Variants in RHOF observed in about 807,000 individuals in gnomAD.
RHOF encodes rho-related GTP-binding protein RhoF.
In RHOF, 21 loss-of-function variants were observed where a neutral mutation model predicts 22.2. The ratio of observed to expected loss-of-function variants is 0.95; its 90% CI spans 0.67 to 1.36. The LOEUF (loss-of-function observed/expected upper bound fraction) is 1.36, where lower values mean the gene tolerates loss of function less well. Ranked by LOEUF, RHOF falls within the 40% of genes most tolerant of loss-of-function variation. RHOF has a pLI of 0.00. For missense variants in RHOF, 285 were observed against 293.7 expected (o/e 0.97, Z 0.22); for synonymous variants, 135 against 131.2 (o/e 1.03, Z -0.20).
At chr12:121,793,391 C>A in intron 1 of RHOF, 105 bp downstream of exon 1, 1 of 1,476,398 alleles carries the variant, frequency 6.8e-7, no homozygotes, top group Non-Finnish European at 9.1e-7. Flanking sequence ...CCCGGGGTGG[C>A]GGCCGCCTGT....
intron 2 of RHOF, among the ~76,000 whole-genome samples, chr12:121,784,132 C>A (rs1427853199): frequency 6.6e-6 from 1 of 152,080 alleles, no homozygotes; most frequent in Non-Finnish European, 1.5e-5. Flanking sequence ...TCTTAAACAT[C>A]CAGATTAACC....
chr12:121,785,354 T>G (rs141799803), intron 2 of RHOF, among the ~76,000 whole-genome samples: 73 of 152,100 alleles, frequency 4.8e-4, no homozygotes, highest in African/African-American at 1.7e-3. Context: ...CTACAGAAAG[T>G]GAAACCGTGG....
chr12:121,789,909 C>T (rs1874719560), intron 2 of RHOF, among the ~76,000 whole-genome samples: 1 of 152,234 alleles, frequency 6.6e-6, no homozygotes, highest in Admixed American at 6.5e-5. Flanking sequence ...ACACCTTGGC[C>T]CTGATGAGCT....
At chr12:121,780,596 GC>G in intron 4 of RHOF, 1 of 539,288 alleles carries the variant, frequency 1.9e-6, no homozygotes, top group Non-Finnish European at 3.3e-6. Flanking sequence ...TAGCTGTGTG[GC>G]CCTGGGCAAG....
At chr12:121,787,892 A>G (rs1024511410) in intron 2 of RHOF, among the ~76,000 whole-genome samples, 2 of 43,440 alleles carry the variant, frequency 4.6e-5, no homozygotes, top group East Asian at 6.3e-4. Context: ...CTCTGCCTCA[A>G]AAAAAAAAAA....
rs949207071 is a variant in RHOF at position 121,778,080 on chromosome 12, A to C, written c.*1418T>G. On this transcript the variant is annotated 3_prime_UTR_variant, in exon 5 of 5. Coordinates refer to ENST00000267205, the MANE Select transcript of RHOF (RefSeq NM_019034.3). ...TGAAGCCATTATCCCATCTTAGGCGACACCGACTCCTAGGCGCCCTCCAGA... is the reference window on the plus strand; with the variant it reads ...TGAAGCCATTATCCCATCTTAGGCGCCACCGACTCCTAGGCGCCCTCCAGA... The C allele has an allele frequency of 9.9e-5, 15 of 152,070 alleles. No individual in the cohort carries two copies. Among genetic ancestry groups the C allele is most frequent in the African/African-American group, 3.6e-4 (15 of 41,450 alleles). The allele number at this position is 152,070 out of a possible 1,614,324, so 9.4% of individuals were successfully genotyped here.
chr12:121,779,336 C>T lies in RHOF; in HGVS notation c.*162G>A, dbSNP rs1340685376. On this transcript the variant is annotated 3_prime_UTR_variant, in exon 5 of 5. Coordinates refer to ENST00000267205, the MANE Select transcript of RHOF (RefSeq NM_019034.3). ...CCTGGAGGGGAGTTTGTGGTCAGAGCCCCAGCCAGGAAAGGAGAGAGTTCC... is the reference window on the plus strand; with the variant it reads ...CCTGGAGGGGAGTTTGTGGTCAGAGTCCCAGCCAGGAAAGGAGAGAGTTCC... 3 of 759,330 alleles carry T rather than the reference C, an allele frequency of 4.0e-6. No homozygotes were observed. Among genetic ancestry groups the T allele is most frequent in the Non-Finnish European group, 6.2e-6 (3 of 482,572 alleles). 47.0% of individuals were successfully genotyped at this position (759,330 alleles called of 1,614,324 possible).
At chr12:121,792,132 C>T (rs757042521) in intron 2 of RHOF, among the ~76,000 whole-genome samples, 2 of 133,082 alleles carry the variant, frequency 1.5e-5, no homozygotes, top group African/African-American at 3.3e-5. Flanking sequence ...AGCCCCTTTT[C>T]GGGTCCTCTC....
In RHOF at chr12:121,779,611, C is replaced by T. The variant is rs551990941; in HGVS notation, c.523G>A (p.Ala175Thr). Residue 175 changes from alanine to threonine, a missense_variant, in exon 5 of 5, where the codon GCC becomes ACC. Physicochemically the swap from Ala to Thr is moderately conservative, Grantham distance 58 (BLOSUM62 0). Coordinates refer to ENST00000267205, the MANE Select transcript of RHOF (RefSeq NM_019034.3). ...TCCTCCACATTCTCCCGAAACTTGG[C>T]GGAACATTCCAGGTAGAGAGCAGCT... ...IRAALYLECS[A>T]KFRENVEDVF... The T allele has an allele frequency of 1.5e-5, 25 of 1,614,188 alleles. No homozygotes were observed. The highest frequency in any genetic ancestry group is 5.0e-5 in the Admixed American group (3 of 60,028).
In RHOF at chr12:121,779,673, G is replaced by A. The variant is rs1168793835; in HGVS notation, c.472-11C>T. On this transcript the variant is annotated splice_polypyrimidine_tract_variant and intron_variant, in intron 4 of 4. Coordinates refer to ENST00000267205, the MANE Select transcript of RHOF (RefSeq NM_019034.3). The stretch of plus-strand genomic sequence containing the variant: ...GCAGGCGCTCAGGCCCTGGGTGGGG[G>A]GAGGAGCCAGCATTAGGTGAGGGGC... The A allele has an allele frequency of 1.2e-6, 2 of 1,613,416 alleles. No homozygotes were observed. The highest frequency in any genetic ancestry group is 1.7e-6 in the Non-Finnish European group (2 of 1,179,694).
In RHOF at chr12:121,779,393, A is replaced by C; in HGVS notation, c.*105T>G. 2 of 1,254,268 alleles carry C rather than the reference A, an allele frequency of 1.6e-6. No homozygotes were observed. Among genetic ancestry groups the C allele is most frequent in the Non-Finnish European group, 2.2e-6 (2 of 903,820 alleles). The allele number at this position is 1,254,268 out of a possible 1,614,324, so 77.7% of individuals were successfully genotyped here. A position where few individuals can be genotyped will look rare whatever the true frequency, so the allele number is the denominator to read the frequency against. On this transcript the variant is annotated 3_prime_UTR_variant, in exon 5 of 5. Transcript: ENST00000267205. The stretch of plus-strand genomic sequence containing the variant: ...TTCCAAGAGTCTAGCCGCAGGCCCC[A>C]GACACCATGAGCTGGAGGGTCGGGA...
At chr12:121,790,287 G>T (rs1403262455) in intron 2 of RHOF, among the ~76,000 whole-genome samples, 2 of 152,232 alleles carry the variant, frequency 1.3e-5, no homozygotes, top group East Asian at 3.9e-4. Flanking sequence ...CCACCAGTCG[G>T]GAAGATGCCC....
In RHOF at chr12:121,793,189, G is replaced by A. The variant is rs1874808439; in HGVS notation, c.189C>T (p.Gly63=). The A allele has an allele frequency of 6.4e-7, 1 of 1,550,824 alleles. No homozygotes were observed. Among genetic ancestry groups the A allele is most frequent in the South Asian group, 1.2e-5 (1 of 84,068 alleles). Residue 63 remains glycine (G), a synonymous_variant, in exon 2 of 5, where the codon GGC becomes GGT. Transcript: ENST00000267205. ...AGAGGTTCAGGGTCACCTCCTTGCTGCCAACGGTCACGCTGGCCGTGTACT... is the reference window on the plus strand; with the variant it reads ...AGAGGTTCAGGGTCACCTCCTTGCTACCAACGGTCACGCTGGCCGTGTACT... ...FEKYTASVTV[G]SKEVTLNLYD... is the part of the protein sequence containing the mutation.
chr12:121,779,891 C>G (rs2137471063), intron 4 of RHOF: 5 of 525,532 alleles, frequency 9.5e-6, no homozygotes, highest in Non-Finnish European at 1.0e-5. Context: ...CCACCCTGGC[C>G]TCTCTCCAGC....
At position 121,785,422 on chromosome 12, in the gene RHOF, CTTTTTTTTTT is replaced by C. The variant is rs758984066; in HGVS notation, c.227-4240_227-4231del. Among the ~76,000 whole-genome samples the C allele has an allele frequency of 9.2e-3, 791 of 86,120 alleles. 6 individuals are homozygous for C. Among genetic ancestry groups the C allele is most frequent in the Non-Finnish European group, 0.014 (589 of 42,342 alleles). The allele number at this position is 86,120 out of a possible 152,430, so 56.5% of individuals were successfully genotyped here. On this transcript the variant is annotated intron_variant, in intron 2 of 4. Coordinates refer to ENST00000267205, the MANE Select transcript of RHOF (RefSeq NM_019034.3). ...CTTCTCTCATTTCTTTTTTTCTTTA[CTTTTTTTTTT>C]TTTTTTTTTTTGGAGACAGGGTCTT...
At chr12:121,788,956 C>T (rs1375272559) in intron 2 of RHOF, among the ~76,000 whole-genome samples, 1 of 152,118 alleles carries the variant, frequency 6.6e-6, no homozygotes, top group Non-Finnish European at 1.5e-5. Context: ...CCAGGTGATA[C>T]CATTACCCTC....
At chr12:121,787,758 C>G (rs559039409) in intron 2 of RHOF, among the ~76,000 whole-genome samples, 1 of 151,938 alleles carries the variant, frequency 6.6e-6, no homozygotes, top group South Asian at 2.1e-4. Flanking sequence ...AAAAATTAGC[C>G]GGATGTGGTG....
At chr12:121,781,364 G>C in intron 2 of RHOF, 172 bp from the exon 3 acceptor site, 1 of 604,018 alleles carries the variant, frequency 1.7e-6, no homozygotes, top group South Asian at 2.0e-5. Flanking sequence ...GCAGCTACTC[G>C]GGAGGCTGAG....
At chr12:121,792,462 G>A (rs891520060) in intron 2 of RHOF, among the ~76,000 whole-genome samples, 2 of 152,260 alleles carry the variant, frequency 1.3e-5, no homozygotes, top group Non-Finnish European at 2.9e-5. Flanking sequence ...GGGCCTGCAG[G>A]TGGCAGGCAG....
Sources: allele counts gnomAD v4.1 joint callset (sites outside exome capture counted in the v4.1 genomes callset), GRCh38; gene constraint gnomAD v4.1.1; transcripts MANE v1.5; gene names NCBI Gene and HGNC (gene_info 2026-07-23, HGNC 2026-07-21).